NYAP2: variants seen among roughly 807,000 people sequenced by gnomAD.
The protein encoded by NYAP2 is neuronal tyrosine-phosphorylated phosphoinositide-3-kinase adapter 2.
In NYAP2, 23 loss-of-function variants were observed where a neutral mutation model predicts 50.4. That is an observed-to-expected ratio of 0.46 (90% CI 0.33 to 0.65). NYAP2 has a LOEUF of 0.65. Ranked by LOEUF, NYAP2 falls within the 30% of genes least tolerant of loss-of-function variation. The pLI is 0.02. For synonymous variants in NYAP2, 394 were observed against 365.2 expected, an observed-to-expected ratio of 1.08 and a Z score of -0.90; for missense variants, 885 against 861.0, an observed-to-expected ratio of 1.03 and a Z score of -0.35.
chr2:225,541,243 C>A (rs1449666367), intron 4 of NYAP2, among the ~76,000 whole-genome samples: 1 of 152,080 alleles, frequency 6.6e-6, no homozygotes, highest in African/African-American at 2.4e-5. Context: ...TGTAGGTTGT[C>A]TCTTCACTTT....
chr2:225,604,678 T>TC (rs1343636255), intron 5 of NYAP2, among the ~76,000 whole-genome samples: 1 of 152,154 alleles, frequency 6.6e-6, no homozygotes, highest in African/African-American at 2.4e-5. Context: ...TAATTGGCTT[T>TC]CCCTAAACAA....
chr2:225,641,422 AACACACACACACACAC>A lies in NYAP2; in HGVS notation c.1829-9978_1829-9963del, dbSNP rs56041107. ...CCAACACAGGAACTGCAATCCCTCA[AACACACACACACACAC>A]ACACACACACACACACACACACACA... On this transcript the variant is annotated intron_variant, in intron 6 of 6. Transcript: ENST00000636099. Among the ~76,000 whole-genome samples the A allele has an allele frequency of 2.6e-3, 349 of 133,720 alleles. 1 individual carries two copies. Among genetic ancestry groups the A allele is most frequent in the African/African-American group, 8.9e-3 (308 of 34,490 alleles). The allele number at this position is 133,720 out of a possible 152,430, so 87.7% of individuals were successfully genotyped here. A position where few individuals can be genotyped will look rare whatever the true frequency, so the allele number is the denominator to read the frequency against.
intron 5 of NYAP2, among the ~76,000 whole-genome samples, chr2:225,619,933 A>G (rs1693060068): frequency 6.6e-6 from 1 of 152,240 alleles, no homozygotes; most frequent in South Asian, 2.1e-4. Context: ...CAATGTGAGA[A>G]TTAGATTTTA....
At chr2:225,477,975 G>A (rs953039652) in intron 3 of NYAP2, among the ~76,000 whole-genome samples, 4 of 152,114 alleles carry the variant, frequency 2.6e-5, no homozygotes, top group Admixed American at 6.6e-5. Context: ...CAAGGAGCCC[G>A]AAATTAGTTC....
chr2:225,508,102 T>C (rs1690743389), intron 3 of NYAP2, among the ~76,000 whole-genome samples: 1 of 152,258 alleles, frequency 6.6e-6, no homozygotes, highest in South Asian at 2.1e-4. Context: ...AACAGACAAG[T>C]AGATCTCACA....
At chr2:225,670,693 T>C in the NYAP2 span, among the ~76,000 whole-genome samples, 2 of 151,828 alleles carry the variant, frequency 1.3e-5, no homozygotes, top group South Asian at 4.2e-4. Context: ...TTGTTTATCA[T>C]GTGTTTTGGA....
the NYAP2 span, among the ~76,000 whole-genome samples, chr2:225,687,313 T>G: frequency 6.6e-6 from 1 of 152,154 alleles, no homozygotes; most frequent in African/African-American, 2.4e-5. Context: ...AAATCATGGT[T>G]GTTGGTATTA....
exon 7 of NYAP2, chr2:225,651,974 G>A (rs1693740754): frequency 6.0e-6 from 1 of 166,534 alleles, no homozygotes; most frequent in South Asian, 1.6e-4. Context: ...GTTTTGTCCA[G>A]AACACTCGCA....
chr2:225,598,151 T>A (rs917646736), intron 5 of NYAP2, among the ~76,000 whole-genome samples: 4 of 152,144 alleles, frequency 2.6e-5, no homozygotes, highest in Admixed American at 6.6e-5. Context: ...TCCAGTACCC[T>A]TGCGCCATAA....
the NYAP2 span, among the ~76,000 whole-genome samples, chr2:225,692,413 T>TA: frequency 6.6e-6 from 1 of 152,102 alleles, no homozygotes; most frequent in Admixed American, 6.6e-5. Flanking sequence ...CTAGAGAAAG[T>TA]AATTATTGAA....
intron 3 of NYAP2, among the ~76,000 whole-genome samples, chr2:225,419,591 A>T (rs1481987086): frequency 6.6e-6 from 1 of 152,236 alleles, no homozygotes; most frequent in Non-Finnish European, 1.5e-5. Flanking sequence ...AATTGGAAAT[A>T]ACAATCTTCA....
intron 3 of NYAP2, among the ~76,000 whole-genome samples, chr2:225,437,930 T>C (rs954917923): frequency 6.6e-6 from 1 of 152,220 alleles, no homozygotes; most frequent in Admixed American, 6.5e-5. Flanking sequence ...GACCAGATCA[T>C]GATAAAGCTT....
intron 5 of NYAP2, among the ~76,000 whole-genome samples, chr2:225,624,680 TA>T (rs1439212974): frequency 2.0e-5 from 3 of 152,224 alleles, no homozygotes; most frequent in Admixed American, 6.5e-5. Context: ...AAAAATTAAA[TA>T]AACTAATAAA....
At chr2:225,605,274 C>T (rs1395407947) in intron 5 of NYAP2, among the ~76,000 whole-genome samples, 1 of 152,128 alleles carries the variant, frequency 6.6e-6, no homozygotes, top group Non-Finnish European at 1.5e-5. Flanking sequence ...CAGCTACCCA[C>T]ACACTCCCAC....
At chr2:225,656,301 A>C (rs1207876638), downstream of NYAP2, among the ~76,000 whole-genome samples, 3 of 152,184 alleles carry the variant, frequency 2.0e-5, no homozygotes, top group Non-Finnish European at 4.4e-5. Context: ...CTCACCACCC[A>C]GGACAAAACT....
intron 4 of NYAP2, among the ~76,000 whole-genome samples, chr2:225,569,107 A>G (rs567307879): frequency 6.6e-6 from 1 of 152,242 alleles, no homozygotes; most frequent in South Asian, 2.1e-4. Context: ...TTTAGTGGGG[A>G]AATGAATGGA....
chr2:225,446,240 CTCTCTCTATATATATATATA>C (rs1481946917), intron 3 of NYAP2, among the ~76,000 whole-genome samples: 1 of 108,358 alleles, frequency 9.2e-6, no homozygotes, highest in Non-Finnish European at 1.9e-5. Flanking sequence ...CTCTCTCTCT[CTCTCTCTATATATATATATA>C]TATATATATA....
At chr2:225,468,513 C>T (rs1356574597) in intron 3 of NYAP2, among the ~76,000 whole-genome samples, 1 of 152,138 alleles carries the variant, frequency 6.6e-6, no homozygotes, top group African/African-American at 2.4e-5. Context: ...GAAAGAAATA[C>T]AGTCATTCAA....
chr2:225,644,145 G>C lies in NYAP2; in HGVS notation c.1829-7287G>C, dbSNP rs567950536. ...TTTAATGATCGCCATTCTAACTGGT[G>C]TGAGATGGTATCTCATTGTTTTGAT... On this transcript the variant is annotated intron_variant, in intron 6 of 6. Transcript: ENST00000636099. Among the ~76,000 whole-genome samples, 52 of 152,180 alleles carry C rather than the reference G, an allele frequency of 3.4e-4. No individual in the cohort carries two copies. In the South Asian group the frequency reaches 1.0e-2, roughly 29 times the overall value.
Sources: allele counts gnomAD v4.1 joint callset (sites outside exome capture counted in the v4.1 genomes callset), GRCh38; gene constraint gnomAD v4.1.1; transcripts MANE v1.5; gene names NCBI Gene and HGNC (gene_info 2026-07-23, HGNC 2026-07-21).